The following TRPC4 variants were observed in gnomAD, a reference collection of about 807,000 sequenced individuals.
The protein encoded by TRPC4 is short transient receptor potential channel 4.
In TRPC4, 49 loss-of-function variants were observed where a neutral mutation model predicts 99.4. The observed-to-expected ratio is 0.49, with a 90% confidence interval of 0.39 to 0.63. The LOEUF (loss-of-function observed/expected upper bound fraction) is 0.63. Among genes scored for constraint, TRPC4 ranks in the 20% least tolerant of loss-of-function variants. The pLI is 0.00. For missense variants in TRPC4, 898 were observed against 1,152.9 expected (o/e 0.78, Z 3.20); for synonymous variants, 454 against 425.9 (o/e 1.07, Z -0.81).
intron 3 of TRPC4, among the ~76,000 whole-genome samples, chr13:37,726,962 T>C (rs188184349): frequency 6.6e-5 from 10 of 152,214 alleles, no homozygotes; most frequent in Admixed American, 4.6e-4. Flanking sequence ...GAATTCCAGG[T>C]AGAAGTAAAA....
intron 4 of TRPC4, among the ~76,000 whole-genome samples, chr13:37,678,545 C>G (rs1953133941): frequency 6.6e-6 from 1 of 151,932 alleles, no homozygotes; most frequent in Non-Finnish European, 1.5e-5. Flanking sequence ...AACTTTAAAA[C>G]TCACTCAAGA....
intron 1 of TRPC4, among the ~76,000 whole-genome samples, chr13:37,840,863 T>A (rs1958712570): frequency 1.3e-5 from 2 of 152,178 alleles, no homozygotes; most frequent in Middle Eastern, 6.8e-3. Context: ...ATATTAATAT[T>A]GTTCATTGCA....
At chr13:37,812,179 A>AAAAAAAAACAAACAAAC (rs1566188773) in intron 1 of TRPC4, among the ~76,000 whole-genome samples, 1 of 146,550 alleles carries the variant, frequency 6.8e-6, no homozygotes, top group African/African-American at 2.5e-5. Flanking sequence ...ACTCTATCAA[A>AAAAAAAAACAAACAAAC]AAAAAAAAAA....
chr13:37,849,354 G>A (rs1413805145), intron 1 of TRPC4, among the ~76,000 whole-genome samples: 1 of 152,160 alleles, frequency 6.6e-6, no homozygotes, highest in African/African-American at 2.4e-5. Flanking sequence ...CCAATGGAAA[G>A]GATGACTGGC....
At position 37,830,748 on chromosome 13, in the gene TRPC4, T is replaced by A. The variant is rs554863436; in HGVS notation, c.-28+38847A>T. 3.4e-5 allele frequency among the ~76,000 whole-genome samples: 5 copies of A among 149,056 alleles called. No homozygotes were observed. In the South Asian group the frequency reaches 6.3e-4, roughly 19 times the overall value. On this transcript the variant is annotated intron_variant, in intron 1 of 10. Coordinates refer to ENST00000379705, the MANE Select transcript of TRPC4 (RefSeq NM_016179.4). ...AAGTCTGCTTAAGCAAAAATAATTT[T>A]AAAAATCTATGGTGGTATAAATAAC... is the stretch of plus-strand genomic sequence containing the variant.
intron 1 of TRPC4, among the ~76,000 whole-genome samples, chr13:37,798,648 T>G (rs1957316141): frequency 6.6e-6 from 1 of 152,154 alleles, no homozygotes; most frequent in Non-Finnish European, 1.5e-5. Context: ...CTACATAGTA[T>G]CAGACACTGA....
At chr13:37,720,549 G>A (rs1246849841) in intron 3 of TRPC4, among the ~76,000 whole-genome samples, 1 of 151,748 alleles carries the variant, frequency 6.6e-6, no homozygotes, top group African/African-American at 2.4e-5. Flanking sequence ...TAGTGAGGAT[G>A]GATTTAAATA....
At chr13:37,805,657 G>A (rs1054640915) in intron 1 of TRPC4, among the ~76,000 whole-genome samples, 2 of 151,722 alleles carry the variant, frequency 1.3e-5, no homozygotes, top group Non-Finnish European at 2.9e-5. Flanking sequence ...TTTTTGTCTT[G>A]GATGTAAACT....
chr13:37,707,565 C>G (rs1954325992), intron 3 of TRPC4, among the ~76,000 whole-genome samples: 1 of 152,048 alleles, frequency 6.6e-6, no homozygotes, highest in African/African-American at 2.4e-5. Context: ...TAAAAATAAG[C>G]CTCTTATATA....
At chr13:37,822,407 T>C (rs1459245503) in intron 1 of TRPC4, among the ~76,000 whole-genome samples, 5 of 151,980 alleles carry the variant, frequency 3.3e-5, no homozygotes, top group East Asian at 1.9e-4. Context: ...GTATATCTCC[T>C]AATGCTATCC....
Position 37,745,463 on chromosome 13 carries a change from TATATATATATAC to T in TRPC4, c.897+462_897+473del, listed in dbSNP as rs1258783067. Among the ~76,000 whole-genome samples the T allele has an allele frequency of 3.8e-3, 175 of 46,178 alleles. 4 individuals carry two copies. Among genetic ancestry groups the T allele is most frequent in the African/African-American group, 7.1e-3 (80 of 11,200 alleles). 30.3% of individuals were successfully genotyped at this position (46,178 alleles called of 152,430 possible). On this transcript the variant is annotated intron_variant, in intron 3 of 10. Transcript: ENST00000379705. ...ATATATATATATATATATATATATA[TATATATATATAC>T]ACACACACACACACTTATATATACG...
At chr13:37,785,083 G>A (rs1159933829) in intron 1 of TRPC4, among the ~76,000 whole-genome samples, 2 of 151,994 alleles carry the variant, frequency 1.3e-5, no homozygotes, top group Non-Finnish European at 2.9e-5. Flanking sequence ...ACTCACTCTA[G>A]AATAACAGGA....
At chr13:37,676,433 C>G (rs1953053619) in intron 4 of TRPC4, among the ~76,000 whole-genome samples, 1 of 150,360 alleles carries the variant, frequency 6.7e-6, no homozygotes, top group South Asian at 2.1e-4. Context: ...AGTGCAGTAG[C>G]GCAATCTCCG....
chr13:37,741,595 G>A (rs1427809854), intron 3 of TRPC4, among the ~76,000 whole-genome samples: 2 of 152,144 alleles, frequency 1.3e-5, no homozygotes, highest in Non-Finnish European at 2.9e-5. Flanking sequence ...TAAAAGTGGA[G>A]TAAGAAAGAA....
chr13:37,687,514 TC>T (rs1391278119), intron 4 of TRPC4, among the ~76,000 whole-genome samples: 1 of 152,200 alleles, frequency 6.6e-6, no homozygotes, highest in Non-Finnish European at 1.5e-5. Context: ...CTACGTATTA[TC>T]TTCAGAAACA....
At chr13:37,668,909 C>A (rs1439251322) in intron 5 of TRPC4, among the ~76,000 whole-genome samples, 2 of 152,066 alleles carry the variant, frequency 1.3e-5, no homozygotes, top group African/African-American at 2.4e-5. Context: ...ATTATTTTCT[C>A]TTCAAGTACA....
intron 3 of TRPC4, among the ~76,000 whole-genome samples, chr13:37,692,800 T>G (rs921462663): frequency 1.3e-5 from 2 of 152,256 alleles, no homozygotes; most frequent in African/African-American, 4.8e-5. Context: ...CTATAATAGA[T>G]ATTTATTACT....
In TRPC4 at chr13:37,776,661, G is replaced by A. The variant is rs544779567; in HGVS notation, c.378+6295C>T. On this transcript the variant is annotated intron_variant, in intron 2 of 10. Transcript: ENST00000379705. ...CATTCTTTAGAGGGTGGCTCTATGA[G>A]TTAGTTTATAGACTGTCTTGGTATA... 4.5e-4 allele frequency among the ~76,000 whole-genome samples: 68 copies of A among 152,024 alleles called. 1 individual carries two copies. Among genetic ancestry groups the A allele is most frequent in the Admixed American group, 1.3e-3 (20 of 15,230 alleles).
rs773144128 is a variant in TRPC4 at position 37,637,437 on chromosome 13, G to A, written c.2400C>T (p.Thr800=). ...KKKNFSLFDL[T]TLIHPRSAAI... is the part of the protein sequence containing the mutation. Reference sequence around the variant, plus strand: ...CTGCTGATCTCGGATGAATCAGGGTGGTTAAATCAAAAAGGCTGAAATTCT... The same window carrying A: ...CTGCTGATCTCGGATGAATCAGGGTAGTTAAATCAAAAAGGCTGAAATTCT... Residue 800 remains threonine, a synonymous_variant, in exon 11 of 11, where the codon ACC becomes ACT. Transcript: ENST00000379705. 6.2e-6 allele frequency: 10 copies of A among 1,613,590 alleles called. No individual in the cohort carries two copies. The highest frequency in any genetic ancestry group is 8.5e-6 in the Non-Finnish European group (10 of 1,179,778).
Sources: allele counts gnomAD v4.1 joint callset (sites outside exome capture counted in the v4.1 genomes callset), GRCh38; gene constraint gnomAD v4.1.1; transcripts MANE v1.5; gene names NCBI Gene and HGNC (gene_info 2026-07-23, HGNC 2026-07-21).